Variants in FRYL observed in about 807,000 individuals in gnomAD.
FRYL encodes protein furry homolog-like.
FRYL carries 150 observed loss-of-function variants against 351.2 expected under a neutral mutation model. That is an observed-to-expected ratio of 0.43 (90% CI 0.37 to 0.49). FRYL has a LOEUF of 0.49. Ranked by LOEUF, FRYL falls within the 20% of genes least tolerant of loss-of-function variation. FRYL has a pLI of 0.00. For synonymous variants in FRYL, 1,153 were observed against 1,257.1 expected (o/e 0.92, Z 1.75); for missense variants, 3,036 against 3,619.3 (o/e 0.84, Z 4.13).
intron 4 of FRYL, among the ~76,000 whole-genome samples, chr4:48,633,835 A>T (rs1438749643): frequency 6.6e-6 from 1 of 152,148 alleles, no homozygotes; most frequent in African/African-American, 2.4e-5. Context: ...TTCAACCACC[A>T]TATTATCCAT....
intron 3 of FRYL, among the ~76,000 whole-genome samples, chr4:48,676,752 A>C (rs1342555816): frequency 6.6e-6 from 1 of 152,208 alleles, no homozygotes; most frequent in African/African-American, 2.4e-5. Flanking sequence ...AAATCCTTCC[A>C]ATCTTGTATA....
At chr4:48,592,082 T>TTATATATATATATAGATATATA (rs1743421582) in intron 16 of FRYL, among the ~76,000 whole-genome samples, 1 of 116,178 alleles carries the variant, frequency 8.6e-6, no homozygotes, top group African/African-American at 4.5e-5. Context: ...AATAAAGCTC[T>TTATATATATATATAGATATATA]TATATATATA....
chr4:48,618,394 A>C (rs1012594322), intron 7 of FRYL: 1 of 152,184 alleles, frequency 6.6e-6, no homozygotes, highest in African/African-American at 2.4e-5. Context: ...AATTAATTTT[A>C]TATCTTGTAT....
chr4:48,633,824 G>A (rs1318668943), intron 4 of FRYL, among the ~76,000 whole-genome samples: 1 of 151,938 alleles, frequency 6.6e-6, no homozygotes, highest in Non-Finnish European at 1.5e-5. Flanking sequence ...TCTCTCTATT[G>A]TTCAACCACC....
chr4:48,602,269 A>G (rs1745866287), intron 12 of FRYL, 148 bp from the exon 13 acceptor site: 2 of 575,734 alleles, frequency 3.5e-6, no homozygotes, highest in East Asian at 6.7e-5. Flanking sequence ...AATCTCATAG[A>G]ATAATCTAAC....
chr4:48,507,944 TAATTC>T (rs1200745993), intron 59 of FRYL, among the ~76,000 whole-genome samples: 3 of 152,006 alleles, frequency 2.0e-5, no homozygotes, highest in African/African-American at 7.3e-5. Flanking sequence ...GAGAGAAAAA[TAATTC>T]AATTCACCTG....
chr4:48,506,641 T>A (rs1403334726), intron 59 of FRYL: 3 of 69,728 alleles, frequency 4.3e-5, no homozygotes, highest in South Asian at 7.8e-4. Flanking sequence ...TATATATATA[T>A]ATATATATAT....
intron 2 of FRYL, among the ~76,000 whole-genome samples, chr4:48,690,822 A>G (rs948976948): frequency 2.0e-5 from 3 of 152,216 alleles, no homozygotes; most frequent in Admixed American, 6.5e-5. Context: ...GAAAATGTGT[A>G]TAGATGATAG....
At chr4:48,623,822 A>G (rs1486447070) in intron 4 of FRYL, among the ~76,000 whole-genome samples, 1 of 152,166 alleles carries the variant, frequency 6.6e-6, no homozygotes, top group Non-Finnish European at 1.5e-5. Flanking sequence ...AAAACAAAGA[A>G]ATACTTTGGG....
At chr4:48,724,278 A>T (rs1193714149) in intron 1 of FRYL, among the ~76,000 whole-genome samples, 3 of 152,172 alleles carry the variant, frequency 2.0e-5, no homozygotes, top group Non-Finnish European at 4.4e-5. Context: ...CCTTTCCCCT[A>T]TTCCAGCCAC....
At chr4:48,765,389 TGTACAAGGGGGAAAGGACA>T (rs1178672540) in intron 1 of FRYL, among the ~76,000 whole-genome samples, 26 of 152,150 alleles carry the variant, frequency 1.7e-4, no homozygotes, top group African/African-American at 6.3e-4. Context: ...GTGCCAAAAA[TGTACAAGGGGGAAAGGACA>T]GTCTCCTCAA....
At chr4:48,746,265 GTGTT>G (rs1329192629) in intron 1 of FRYL, among the ~76,000 whole-genome samples, 1 of 152,134 alleles carries the variant, frequency 6.6e-6, no homozygotes, top group Non-Finnish European at 1.5e-5. Context: ...GAGTCATGCA[GTGTT>G]TTAAAACAGG....
intron 3 of FRYL, among the ~76,000 whole-genome samples, chr4:48,655,698 T>C (rs1271747738): frequency 6.8e-6 from 1 of 147,042 alleles, no homozygotes; most frequent in African/African-American, 2.5e-5. Context: ...ATATATTATA[T>C]AATGTATATA....
At position 48,543,893 on chromosome 4, in the gene FRYL, G is replaced by C; in HGVS notation, c.5506C>G (p.Leu1836Val). The change falls in exon 44 of 64, where the codon CTA (leucine) becomes GTA (valine). Residue 1836 changes from leucine (L) to valine (V), a missense_variant. Leu to Val is a conservative substitution (Grantham distance 32). Around this residue, in one of 7 missense-constraint regions of FRYL, gnomAD observed 1,987 missense variants for 2,311.7 expected, o/e 0.86. Coordinates refer to ENST00000358350, the MANE Select transcript of FRYL (RefSeq NM_015030.2). ...GTAGTTGCAGTGAGAGGCTGCTTTA[G>C]GGCCCTGAAAATCTGAAAGGATCTC... ...AGRSFQIFRA[L>V]KQPLTATTLS... 6.2e-7 allele frequency: 1 copy of C among 1,613,884 alleles called. No individual in the cohort carries two copies.
intron 3 of FRYL, among the ~76,000 whole-genome samples, chr4:48,645,233 G>A (rs920526363): frequency 3.3e-5 from 5 of 149,628 alleles, no homozygotes; most frequent in Admixed American, 1.4e-4. Flanking sequence ...ACTTAACACA[G>A]CGCTGATAAA....
chr4:48,732,390 T>C (rs752274906), intron 1 of FRYL, among the ~76,000 whole-genome samples: 9 of 152,228 alleles, frequency 5.9e-5, no homozygotes, highest in Non-Finnish European at 1.0e-4. Context: ...GATCTAGTAC[T>C]AGAAATACCA....
At chr4:48,652,745 T>A (rs1757980324) in intron 3 of FRYL, among the ~76,000 whole-genome samples, 1 of 152,218 alleles carries the variant, frequency 6.6e-6, no homozygotes, top group South Asian at 2.1e-4. Context: ...AAAACTACAC[T>A]AAATAAATAT....
In FRYL at chr4:48,624,044, C is replaced by T. The variant is rs117169345; in HGVS notation, c.121-865G>A. Among the ~76,000 whole-genome samples the T allele has an allele frequency of 8.5e-4, 129 of 152,230 alleles. 4 individuals are homozygous for T. In the East Asian group the frequency reaches 0.022, roughly 26 times the overall value. On this transcript the variant is annotated intron_variant, in intron 4 of 63. Coordinates refer to ENST00000358350, the MANE Select transcript of FRYL (RefSeq NM_015030.2). ...TAAACTTCTGTGCCAGTTGAACTTG[C>T]TTGGTATCACAGAAGCCAAGAAGAA... is the stretch of plus-strand genomic sequence containing the variant.
chr4:48,541,017 A>T, intron 45 of FRYL, 57 bp from the exon 46 acceptor site: 1 of 1,428,010 alleles, frequency 7.0e-7, no homozygotes, highest in Non-Finnish European at 9.2e-7. Context: ...TTGCTAAATT[A>T]ATTTTACTTC....
Sources: gnomAD v4.1 joint callset for allele counts (sites outside exome capture counted in the v4.1 genomes callset) on GRCh38, gnomAD v4.1.1 for gene constraint, gnomAD v4.1.1 regional missense constraint, MANE v1.5 for transcripts, NCBI Gene and HGNC (gene_info 2026-07-23, HGNC 2026-07-21) for gene names.